SNX27: variants seen among roughly 807,000 people sequenced by gnomAD.
SNX27 encodes sorting nexin-27.
A neutral mutation model predicts 71.6 loss-of-function variants in SNX27; 22 were observed. That is an observed-to-expected ratio of 0.31 (90% CI 0.22 to 0.44). The LOEUF (loss-of-function observed/expected upper bound fraction) is 0.44, where lower values mean the gene tolerates loss of function less well. Ranked by LOEUF, SNX27 falls within the 20% of genes least tolerant of loss-of-function variation. The probability of loss-of-function intolerance (pLI) is 1.00; values close to 1 mark genes in which losing one functional copy is unlikely to be tolerated. For missense variants in SNX27, 531 were observed against 698.6 expected (o/e 0.76, Z 2.70); for synonymous variants, 269 against 277.2 (o/e 0.97, Z 0.29).
At chr1:151,651,131 G>A (rs1319599009) in intron 2 of SNX27, among the ~76,000 whole-genome samples, 6 of 151,938 alleles carry the variant, frequency 3.9e-5, no homozygotes, top group South Asian at 4.1e-4. Context: ...CCTCCCAGAC[G>A]GGGTGGTGGC....
At chr1:151,642,162 G>A (rs1475339128) in intron 2 of SNX27, among the ~76,000 whole-genome samples, 3 of 151,694 alleles carry the variant, frequency 2.0e-5, no homozygotes, top group African/African-American at 7.3e-5. Flanking sequence ...TGAGGTCGGT[G>A]GATCACTTGA....
intron 10 of SNX27, 109 bp downstream of exon 10, chr1:151,693,148 T>G: frequency 6.9e-7 from 1 of 1,459,748 alleles, no homozygotes; most frequent in South Asian, 1.3e-5. Flanking sequence ...TGTCTTGAGA[T>G]CCGAACCTGT....
At chr1:151,676,615 GTT>G (rs1214269882) in intron 7 of SNX27, 1 of 151,922 alleles carries the variant, frequency 6.6e-6, no homozygotes, top group African/African-American at 2.4e-5. Context: ...CAGGAATTTT[GTT>G]TTAGAGAAGT....
chr1:151,693,374 G>A, intron 10 of SNX27, 50 bp from the exon 11 acceptor site: 1 of 1,564,030 alleles, frequency 6.4e-7, no homozygotes, highest in Non-Finnish European at 8.8e-7. Flanking sequence ...GCACAGTCCT[G>A]AGATGCCTGC....
At chr1:151,615,455 G>T (rs1044498341) in intron 1 of SNX27, among the ~76,000 whole-genome samples, 1 of 152,020 alleles carries the variant, frequency 6.6e-6, no homozygotes, top group Non-Finnish European at 1.5e-5. Flanking sequence ...GTTCTTGAGG[G>T]ATATCTGTGC....
intron 5 of SNX27, 21 bp from the exon 6 acceptor site, chr1:151,665,912 A>G (rs199648268): frequency 1.3e-4 from 200 of 1,583,646 alleles, no homozygotes; most frequent in Non-Finnish European, 1.6e-4. Context: ...CTTGAAACCA[A>G]TCTATCCTGT....
intron 1 of SNX27, among the ~76,000 whole-genome samples, chr1:151,618,316 T>TTAA (rs1667520417): frequency 6.6e-6 from 1 of 152,254 alleles, no homozygotes; most frequent in Admixed American, 6.5e-5. Context: ...TCTTTGCCTT[T>TTAA]ATTATTGCTA....
chr1:151,658,617 A>C (rs1248048958), intron 3 of SNX27, among the ~76,000 whole-genome samples, 190 bp downstream of exon 3: 1 of 152,196 alleles, frequency 6.6e-6, no homozygotes, highest in Admixed American at 6.5e-5. Context: ...AGCCTGTTTC[A>C]TTGGTTTGTT....
At chr1:151,651,493 T>G (rs1489988417) in intron 2 of SNX27, among the ~76,000 whole-genome samples, 1 of 143,896 alleles carries the variant, frequency 6.9e-6, no homozygotes, top group Non-Finnish European at 1.5e-5. Context: ...GACGAGGCGG[T>G]TGCCGGGCAG....
At chr1:151,641,629 A>ATATC (rs1195933776) in intron 2 of SNX27, among the ~76,000 whole-genome samples, 1 of 120,072 alleles carries the variant, frequency 8.3e-6, no homozygotes, top group Non-Finnish European at 1.7e-5. Flanking sequence ...ATATATATAT[A>ATATC]TCATATGTAT....
In SNX27 at chr1:151,693,354, G is replaced by C. The variant is rs1159604421; in HGVS notation, c.1519-70G>C. On this transcript the variant is annotated intron_variant, in intron 10 of 11. Transcript: ENST00000458013. Reference sequence around the variant, plus strand: ...TGGAAGATGGGATGACTGGGGACAGGAGTTCAAAGGCACAGTCCTGAGATG... The same window carrying C: ...TGGAAGATGGGATGACTGGGGACAGCAGTTCAAAGGCACAGTCCTGAGATG... The C allele has an allele frequency of 4.9e-6, 7 of 1,421,942 alleles. No individual in the cohort carries two copies. The African/African-American group carries it at 7.1e-5, about 14-fold the overall frequency. 88.1% of individuals were successfully genotyped at this position (1,421,942 alleles called of 1,614,324 possible).
intron 2 of SNX27, among the ~76,000 whole-genome samples, chr1:151,652,029 G>A (rs996386958): frequency 2.0e-5 from 3 of 152,182 alleles, no homozygotes; most frequent in Admixed American, 6.5e-5. Flanking sequence ...GCGAAACCCC[G>A]TCTCCACCAA....
chr1:151,625,149 A>G (rs1667863848), intron 1 of SNX27, among the ~76,000 whole-genome samples: 2 of 152,180 alleles, frequency 1.3e-5, no homozygotes. Flanking sequence ...GCCAGGGGCA[A>G]ACTTTATTGT....
At chr1:151,657,517 C>T (rs1343747145) in intron 2 of SNX27, among the ~76,000 whole-genome samples, 1 of 152,080 alleles carries the variant, frequency 6.6e-6, no homozygotes, top group Non-Finnish European at 1.5e-5. Context: ...AACTTTAGAG[C>T]CAGTTTAGGC....
At chr1:151,631,922 A>G (rs1007237404) in intron 1 of SNX27, among the ~76,000 whole-genome samples, 3 of 152,120 alleles carry the variant, frequency 2.0e-5, no homozygotes, top group African/African-American at 7.2e-5. Context: ...TGATCCTCCC[A>G]CTGCGGCCTC....
At chr1:151,644,797 A>T (rs1216076088) in intron 2 of SNX27, among the ~76,000 whole-genome samples, 2 of 151,960 alleles carry the variant, frequency 1.3e-5, no homozygotes, top group African/African-American at 2.4e-5. Context: ...ATATTGTGAT[A>T]TAAAGGTCAA....
intron 7 of SNX27, among the ~76,000 whole-genome samples, chr1:151,670,842 C>T (rs1168226942): frequency 2.6e-5 from 4 of 152,090 alleles, no homozygotes; most frequent in Non-Finnish European, 5.9e-5. Context: ...TGGGGTATTA[C>T]TTAAGAAATC....
intron 7 of SNX27, among the ~76,000 whole-genome samples, chr1:151,675,443 T>C (rs2102707280): frequency 6.6e-6 from 1 of 152,254 alleles, no homozygotes; most frequent in South Asian, 2.1e-4. Context: ...ACAACCTTTT[T>C]CTTTTCTTTT....
At chr1:151,670,023 T>C (rs1017095977) in intron 7 of SNX27, among the ~76,000 whole-genome samples, 1 of 152,208 alleles carries the variant, frequency 6.6e-6, no homozygotes, top group African/African-American at 2.4e-5. Context: ...CCATTAACCA[T>C]CCCTGACTCT....
Sources: gnomAD v4.1 joint callset for allele counts (sites outside exome capture counted in the v4.1 genomes callset) on GRCh38, gnomAD v4.1.1 for gene constraint, MANE v1.5 for transcripts, NCBI Gene and HGNC (gene_info 2026-07-23, HGNC 2026-07-21) for gene names.